ADGRG7: variants seen among roughly 807,000 people sequenced by gnomAD.
The protein encoded by ADGRG7 is G-protein coupled receptor 128.
Under a neutral mutation model 88.6 loss-of-function variants are expected in ADGRG7, and 82 were observed. The observed-to-expected ratio is 0.93, with a 90% CI of 0.77 to 1.11. The LOEUF is 1.11. Ranked by LOEUF, ADGRG7 falls within the 50% of genes most tolerant of loss-of-function variation. The pLI is 0.00. For missense variants in ADGRG7, 945 were observed against 953.4 expected (o/e 0.99, Z 0.12); for synonymous variants, 381 against 345.2 (o/e 1.10, Z -1.15).
At chr3:100,658,363 A>G (rs554197850) in intron 13 of ADGRG7, among the ~76,000 whole-genome samples, 1 of 152,302 alleles carries the variant, frequency 6.6e-6, no homozygotes, top group African/African-American at 2.4e-5. Context: ...TACCAACCTT[A>G]TATTTCCTAC....
rs114735658 is a variant in ADGRG7, at chr3:100,646,052, A to G, written c.1054A>G (p.Thr352Ala). The change falls in exon 9 of 16, where the codon ACT (threonine) becomes GCT (alanine). Residue 352 changes from threonine (T) to alanine (A), a missense_variant. Physicochemically the swap from Thr to Ala is moderately conservative, Grantham distance 58. Transcript: ENST00000273352. ...DFSQKIISSK[T>A]DENEQDQSAS... ...TAGTCAAAAAATTATCTCAAGCAAAACTGATGAAAATGAGCAAGATCAGAG... is the reference window on the plus strand; with the variant it reads ...TAGTCAAAAAATTATCTCAAGCAAAGCTGATGAAAATGAGCAAGATCAGAG... 225 of 1,614,062 alleles carry G rather than the reference A, an allele frequency of 1.4e-4. 1 individual carries two copies. The African/African-American group carries it at 2.6e-3, about 18-fold the overall frequency.
intron 1 of ADGRG7, among the ~76,000 whole-genome samples, chr3:100,622,025 C>T (rs771262577): frequency 3.3e-5 from 5 of 152,142 alleles, no homozygotes; most frequent in Non-Finnish European, 5.9e-5. Context: ...GTTCATGTTA[C>T]GGTTTGTGCT....
rs144895427 is a variant in ADGRG7 at position 100,690,136 on chromosome 3, G to A, written c.2137-4608G>A. 3.5e-3 allele frequency among the ~76,000 whole-genome samples: 533 copies of A among 151,892 alleles called. 5 individuals are homozygous for A. Among genetic ancestry groups the A allele is most frequent in the Non-Finnish European group, 5.0e-3 (343 of 67,974 alleles). On this transcript the variant is annotated intron_variant, in intron 15 of 15. Transcript: ENST00000273352. ...CATTTCATTCATTTCATCTTCCATC[G>A]CTGATACCCTTTCTTCCAGTTGATC... is the stretch of plus-strand genomic sequence containing the variant.
chr3:100,676,670 A>C (rs1215522623), intron 15 of ADGRG7, among the ~76,000 whole-genome samples: 1 of 152,002 alleles, frequency 6.6e-6, no homozygotes, highest in African/African-American at 2.4e-5. Context: ...TTCTGTCTGG[A>C]AGATCTATCC....
chr3:100,689,016 C>T lies in ADGRG7; in HGVS notation c.2137-5728C>T, dbSNP rs576686888. Reference sequence around the variant, plus strand: ...GTTATTATTGTGTGGGAGTCTAAGTCTCTTTGTAGGTCTCTAAGAACTTGC... The same window carrying T: ...GTTATTATTGTGTGGGAGTCTAAGTTTCTTTGTAGGTCTCTAAGAACTTGC... On this transcript the variant is annotated intron_variant, in intron 15 of 15. Transcript: ENST00000273352. Among the ~76,000 whole-genome samples, 4 of 152,264 alleles carry T rather than the reference C, an allele frequency of 2.6e-5. No individual in the cohort carries two copies. The East Asian group carries it at 7.7e-4, about 29-fold the overall frequency.
At chr3:100,642,295 G>C (rs767985978) in intron 6 of ADGRG7, among the ~76,000 whole-genome samples, 2 of 152,166 alleles carry the variant, frequency 1.3e-5, no homozygotes, top group Non-Finnish European at 2.9e-5. Context: ...CAGCTCTGGG[G>C]TATGTGTGAA....
At chr3:100,653,916 T>C (rs1291849007) in intron 11 of ADGRG7, among the ~76,000 whole-genome samples, 2 of 152,162 alleles carry the variant, frequency 1.3e-5, no homozygotes, top group Non-Finnish European at 2.9e-5. Flanking sequence ...AGCTGGGTTC[T>C]TGTCACGCGA....
At chr3:100,613,060 G>T (rs605300) in intron 1 of ADGRG7, among the ~76,000 whole-genome samples, 48,336 of 151,740 alleles carry the variant, frequency 0.32, 8,099 homozygotes, top group African/African-American at 0.35. Flanking sequence ...TGGCTATTTT[G>T]TGTATTTTTA....
At chr3:100,628,269 T>TA (rs1028338371) in intron 1 of ADGRG7, among the ~76,000 whole-genome samples, 4 of 151,878 alleles carry the variant, frequency 2.6e-5, no homozygotes, top group Non-Finnish European at 4.4e-5. Context: ...GTTTTTTTTT[T>TA]AAAAACGTTT....
At chr3:100,647,886 G>A (rs953985359) in intron 10 of ADGRG7, among the ~76,000 whole-genome samples, 1 of 152,194 alleles carries the variant, frequency 6.6e-6, no homozygotes, top group East Asian at 1.9e-4. Context: ...AGCCAGTGGA[G>A]ACTGGTAGAA....
chr3:100,676,213 AT>A (rs1188281752), intron 15 of ADGRG7, among the ~76,000 whole-genome samples: 3 of 150,608 alleles, frequency 2.0e-5, no homozygotes, highest in African/African-American at 2.4e-5. Flanking sequence ...AAGCTTTTCT[AT>A]TTTTTTTGAT....
chr3:100,623,791 A>T (rs1488238596), intron 1 of ADGRG7, among the ~76,000 whole-genome samples: 1 of 152,134 alleles, frequency 6.6e-6, no homozygotes, highest in East Asian at 1.9e-4. Context: ...ATAAGTGAGA[A>T]CATGCGGTGT....
intron 1 of ADGRG7, among the ~76,000 whole-genome samples, chr3:100,622,928 G>T (rs1433970115): frequency 1.3e-4 from 18 of 140,190 alleles, no homozygotes; most frequent in Admixed American, 2.1e-4. Flanking sequence ...TTTTGTTTTT[G>T]TTTTTTTTTT....
chr3:100,685,715 T>A (rs2094981226), intron 15 of ADGRG7, among the ~76,000 whole-genome samples: 1 of 152,220 alleles, frequency 6.6e-6, no homozygotes, highest in African/African-American at 2.4e-5. Context: ...CATCATTTTT[T>A]ACGGCTGCAT....
chr3:100,626,938 T>C (rs1325069878), intron 1 of ADGRG7, among the ~76,000 whole-genome samples: 3 of 152,262 alleles, frequency 2.0e-5, no homozygotes, highest in African/African-American at 4.8e-5. Context: ...AAAATGTCTT[T>C]ATTTTATGTC....
At chr3:100,669,134 A>G (rs1359325798) in intron 15 of ADGRG7, 29 bp downstream of exon 15, 1 of 1,467,206 alleles carries the variant, frequency 6.8e-7, no homozygotes, top group East Asian at 2.5e-5. Flanking sequence ...TGAAAGTAGC[A>G]GAACACGCAG....
rs201892437 is a variant in ADGRG7 at position 100,659,757 on chromosome 3, T to C, written c.1893T>C (p.Pro631=). The change falls in exon 14 of 16, where the codon CCT becomes CCC. Residue 631 remains proline, a synonymous_variant. Coordinates refer to ENST00000273352, the MANE Select transcript of ADGRG7 (RefSeq NM_032787.3). ...KSPLLWSFIV[P]VTIILISNVV... ...CGCTGTTGTGGTCATTCATCGTACC[T>C]GTAACCATTATCCTCATCAGCAATG... 4.5e-5 allele frequency: 73 copies of C among 1,614,086 alleles called. No individual in the cohort carries two copies. The highest frequency in any genetic ancestry group is 6.1e-5 in the Non-Finnish European group (72 of 1,179,948).
Position 100,694,930 on chromosome 3 carries a change from C to A in ADGRG7, c.2323C>A (p.Leu775Ile). The change falls in exon 16 of 16, where the codon CTA becomes ATA. Residue 775 changes from leucine to isoleucine, a missense_variant. By Grantham distance (5) the Leu-to-Ile change is conservative (BLOSUM62 2). Transcript: ENST00000273352. ...GCCAACCTTACATGAACGCTTTAGG[C>A]TACTGGAAACCTCTCCGAGTACTGA... ...SLPTLHERFRLLETSPSTEEI... is the reference protein window; with the variant it reads ...SLPTLHERFRILETSPSTEEI... 6.2e-7 allele frequency: 1 copy of A among 1,614,124 alleles called. No individual in the cohort carries two copies. Among genetic ancestry groups the A allele is most frequent in the Non-Finnish European group, 8.5e-7 (1 of 1,179,996 alleles).
intron 15 of ADGRG7, among the ~76,000 whole-genome samples, chr3:100,672,171 A>G (rs2149036271): frequency 6.6e-6 from 1 of 152,294 alleles, no homozygotes; most frequent in East Asian, 1.9e-4. Flanking sequence ...CATGATATTA[A>G]TTATTCCTAT....
Sources: allele counts gnomAD v4.1 joint callset (sites outside exome capture counted in the v4.1 genomes callset), GRCh38; gene constraint gnomAD v4.1.1; transcripts MANE v1.5; gene names NCBI Gene and HGNC (gene_info 2026-07-23, HGNC 2026-07-21).